SDK1: variants seen among roughly 807,000 people sequenced by gnomAD.
SDK1 encodes sidekick cell adhesion molecule 1.
In SDK1, 157 loss-of-function variants were observed where a neutral mutation model predicts 245.5. The observed-to-expected ratio is 0.64, with a 90% CI of 0.56 to 0.73. The LOEUF is 0.73. Ranked by LOEUF, SDK1 falls within the 30% of genes least tolerant of loss-of-function variation. SDK1 has a pLI of 0.00. For missense variants in SDK1, 3,583 were observed against 3,002.3 expected (o/e 1.19, Z -4.52); for synonymous variants, 1,647 against 1,278.5 (o/e 1.29, Z -6.15).
intron 4 of SDK1, among the ~76,000 whole-genome samples, chr7:3,704,142 T>C (rs1254094517): frequency 6.6e-6 from 1 of 152,190 alleles, no homozygotes; most frequent in African/African-American, 2.4e-5. Context: ...ACATATGGTA[T>C]TTAGTTTTCT....
At chr7:3,382,567 T>C (rs1781514303) in intron 1 of SDK1, among the ~76,000 whole-genome samples, 2 of 152,232 alleles carry the variant, frequency 1.3e-5, no homozygotes, top group African/African-American at 4.8e-5. Context: ...TTGATTGCCA[T>C]AATCTGTTGT....
At chr7:3,836,012 T>G (rs1780021782) in intron 5 of SDK1, among the ~76,000 whole-genome samples, 1 of 152,226 alleles carries the variant, frequency 6.6e-6, no homozygotes, top group South Asian at 2.1e-4. Flanking sequence ...TGAGTATTGG[T>G]ATAGGCTTAT....
intron 5 of SDK1, among the ~76,000 whole-genome samples, chr7:3,822,224 G>C (rs999041176): frequency 2.0e-5 from 3 of 152,166 alleles, no homozygotes; most frequent in African/African-American, 7.2e-5. Flanking sequence ...CAGGAACTCT[G>C]AACTAATCTA....
chr7:3,854,400 A>G (rs910482939), intron 5 of SDK1, among the ~76,000 whole-genome samples: 2 of 152,184 alleles, frequency 1.3e-5, no homozygotes, highest in African/African-American at 4.8e-5. Context: ...AACTCCTGCA[A>G]CACAGTAGAT....
intron 1 of SDK1, among the ~76,000 whole-genome samples, chr7:3,451,382 G>A (rs747641517): frequency 1.3e-5 from 2 of 152,072 alleles, no homozygotes; most frequent in Non-Finnish European, 1.5e-5. Flanking sequence ...GGAAGAATGC[G>A]AATAGCTGCG....
intron 35 of SDK1, among the ~76,000 whole-genome samples, chr7:4,193,143 T>A (rs1466821704): frequency 2.3e-5 from 3 of 129,394 alleles, no homozygotes; most frequent in Admixed American, 8.4e-5. Context: ...AATATATTAA[T>A]ATATTTATAT....
chr7:3,865,287 G>A (rs547940867), intron 5 of SDK1, among the ~76,000 whole-genome samples: 2 of 152,182 alleles, frequency 1.3e-5, no homozygotes, highest in Admixed American at 6.5e-5. Flanking sequence ...GAATGGGTTG[G>A]CCTAAAGGGT....
At chr7:3,472,673 T>C (rs1583909516) in intron 1 of SDK1, among the ~76,000 whole-genome samples, 3 of 152,232 alleles carry the variant, frequency 2.0e-5, no homozygotes, top group Admixed American at 2.0e-4. Flanking sequence ...CATTAAACTT[T>C]ATGGAACACC....
chr7:3,456,128 G>A (rs891439366), intron 1 of SDK1, among the ~76,000 whole-genome samples: 8 of 152,162 alleles, frequency 5.3e-5, no homozygotes, highest in African/African-American at 1.9e-4. Flanking sequence ...TATAAGTACA[G>A]TGTTGTTTTT....
intron 14 of SDK1, among the ~76,000 whole-genome samples, chr7:3,999,299 C>T (rs1252264828): frequency 2.0e-5 from 3 of 152,218 alleles, no homozygotes; most frequent in Non-Finnish European, 2.9e-5. Context: ...TCCACTCCCT[C>T]CTGAGAGCAT....
chr7:3,888,482 G>C (rs912997220), intron 5 of SDK1, among the ~76,000 whole-genome samples: 4 of 152,198 alleles, frequency 2.6e-5, no homozygotes, highest in African/African-American at 9.7e-5. Flanking sequence ...GACCAAAAGA[G>C]AAAATATATT....
chr7:4,178,370 C>T (rs1177892635), intron 34 of SDK1, 115 bp from the exon 35 acceptor site: 48 of 767,124 alleles, frequency 6.3e-5, no homozygotes, highest in Non-Finnish European at 9.1e-6. Context: ...TCTAACAATC[C>T]CGCCTCCTCT....
chr7:4,265,946 G>T lies in SDK1; in HGVS notation c.*562G>T, dbSNP rs1170811835. Reference sequence around the variant, plus strand: ...TCTGTTTCTGAAATGTTCTCACTTGGCAGTGTCTAGTCAAGGAGTCGGCTT... The same window carrying T: ...TCTGTTTCTGAAATGTTCTCACTTGTCAGTGTCTAGTCAAGGAGTCGGCTT... On this transcript the variant is annotated 3_prime_UTR_variant, in exon 45 of 45. Transcript: ENST00000404826. The T allele has an allele frequency of 1.0e-6, 1 of 985,708 alleles. No homozygotes were observed. The highest frequency in any genetic ancestry group is 1.2e-6 in the Non-Finnish European group (1 of 830,126). 61.1% of individuals were successfully genotyped at this position (985,708 alleles called of 1,614,324 possible).
chr7:3,564,353 A>G (rs543198977), intron 1 of SDK1, among the ~76,000 whole-genome samples: 10 of 152,138 alleles, frequency 6.6e-5, no homozygotes, highest in East Asian at 3.9e-4. Flanking sequence ...ATACAGGACA[A>G]TGCTGGCACC....
intron 1 of SDK1, among the ~76,000 whole-genome samples, chr7:3,585,115 C>T (rs971304382): frequency 2.0e-5 from 3 of 152,128 alleles, no homozygotes; most frequent in Non-Finnish European, 4.4e-5. Flanking sequence ...TTTGTACTTC[C>T]GAAATAAAAC....
chr7:3,638,623 G>A (rs1381884787), intron 2 of SDK1, among the ~76,000 whole-genome samples: 2 of 131,228 alleles, frequency 1.5e-5, no homozygotes, highest in Non-Finnish European at 3.2e-5. Context: ...ATCACACACC[G>A]GGGCCTGTTG....
intron 22 of SDK1, among the ~76,000 whole-genome samples, chr7:4,105,759 G>A (rs908691739): frequency 6.6e-6 from 1 of 152,186 alleles, no homozygotes; most frequent in East Asian, 1.9e-4. Context: ...AGAGGCTTCC[G>A]AAAGGCCCGG....
At chr7:3,592,977 G>T (rs1266658798) in intron 1 of SDK1, among the ~76,000 whole-genome samples, 1 of 152,162 alleles carries the variant, frequency 6.6e-6, no homozygotes, top group East Asian at 1.9e-4. Context: ...TTGTACCTAG[G>T]ACAAGATTAC....
At chr7:4,172,130 G>T (rs1781882233) in intron 32 of SDK1, among the ~76,000 whole-genome samples, 2 of 152,336 alleles carry the variant, frequency 1.3e-5, no homozygotes, top group African/African-American at 4.8e-5. Flanking sequence ...CCGCGTCTGA[G>T]GGGGGATTAT....
Sources: gnomAD v4.1 joint callset for allele counts (sites outside exome capture counted in the v4.1 genomes callset) on GRCh38, gnomAD v4.1.1 for gene constraint, MANE v1.5 for transcripts, NCBI Gene and HGNC (gene_info 2026-07-23, HGNC 2026-07-21) for gene names.